Variants in THRB observed in about 807,000 individuals in gnomAD.
The protein encoded by THRB is nuclear receptor subfamily 1 group A member 2.
Under a neutral mutation model 47.8 loss-of-function variants are expected in THRB, and 12 were observed. The observed-to-expected ratio is 0.25, with a 90% confidence interval of 0.16 to 0.41. The LOEUF (loss-of-function observed/expected upper bound fraction) is 0.41. Among genes scored for constraint, THRB ranks in the 10% least tolerant of loss-of-function variants. The pLI is 1.00. For synonymous variants in THRB, 218 were observed against 212.2 expected, an observed-to-expected ratio of 1.03 and a Z score of -0.24; for missense variants, 348 against 589.2, an observed-to-expected ratio of 0.59 and a Z score of 4.24.
rs556809373 is a variant in THRB at position 24,308,137 on chromosome 3, TCCTGTACATGTAG to T, written c.-188-10779_-188-10767del. ...GTTTACCTATGTACAAACCTGCACA[TCCTGTACATGTAG>T]CCTGGAACTTAAAATAAAAGTTGGA... On this transcript the variant is annotated intron_variant, in intron 2 of 10. Coordinates refer to ENST00000646209, the MANE Select transcript of THRB (RefSeq NM_001354712.2). Among the ~76,000 whole-genome samples, 705 of 152,120 alleles carry T rather than the reference TCCTGTACATGTAG, an allele frequency of 4.6e-3. 2 individuals are homozygous for T. Among genetic ancestry groups the T allele is most frequent in the Middle Eastern group, 0.014 (4 of 294 alleles).
intron 3 of THRB, among the ~76,000 whole-genome samples, chr3:24,267,706 C>G (rs1283699793): frequency 6.6e-6 from 1 of 152,174 alleles, no homozygotes; most frequent in Non-Finnish European, 1.5e-5. Flanking sequence ...TAGCCAGAAT[C>G]TCCTGTACAC....
intron 4 of THRB, among the ~76,000 whole-genome samples, chr3:24,223,884 ATG>A (rs974991133): frequency 6.7e-6 from 1 of 148,342 alleles, no homozygotes; most frequent in Admixed American, 6.7e-5. Context: ...TCACCAATCA[ATG>A]TGTGTGTGGG....
At chr3:24,382,227 C>A (rs570629538) in intron 1 of THRB, among the ~76,000 whole-genome samples, 73 of 152,016 alleles carry the variant, frequency 4.8e-4, no homozygotes, top group Middle Eastern at 3.4e-3. Context: ...TTTTGGAGAA[C>A]TGATAAATTC....
intron 5 of THRB, among the ~76,000 whole-genome samples, chr3:24,178,790 A>G (rs73037623): frequency 6.6e-6 from 1 of 152,148 alleles, no homozygotes; most frequent in Non-Finnish European, 1.5e-5. Flanking sequence ...GGTAGAACAG[A>G]TAGATGTTCG....
chr3:24,160,278 CT>C (rs759795692), intron 5 of THRB, among the ~76,000 whole-genome samples: 1 of 152,154 alleles, frequency 6.6e-6, no homozygotes, highest in Non-Finnish European at 1.5e-5. Context: ...AAATTGAACT[CT>C]TGAGGGCAGG....
intron 1 of THRB, among the ~76,000 whole-genome samples, chr3:24,479,206 G>A (rs2125851385): frequency 6.6e-6 from 1 of 152,312 alleles, no homozygotes; most frequent in Non-Finnish European, 1.5e-5. Context: ...GGAGGCTGAG[G>A]CAGGAGAATG....
At chr3:24,340,506 C>T (rs375918324) in intron 1 of THRB, among the ~76,000 whole-genome samples, 110 of 147,530 alleles carry the variant, frequency 7.5e-4, no homozygotes, top group African/African-American at 2.5e-3. Flanking sequence ...TTGTAAAGTG[C>T]TTATTCATTC....
intron 5 of THRB, among the ~76,000 whole-genome samples, chr3:24,157,637 C>T (rs1037177893): frequency 6.6e-5 from 10 of 152,156 alleles, no homozygotes; most frequent in Non-Finnish European, 1.0e-4. Context: ...CCAAGCAGTC[C>T]TCCCAGCTCA....
chr3:24,177,146 A>T (rs938606434), intron 5 of THRB, among the ~76,000 whole-genome samples: 6 of 152,198 alleles, frequency 3.9e-5, no homozygotes, highest in African/African-American at 1.4e-4. Context: ...AACTAAAAAT[A>T]CCTATCAGCA....
chr3:24,362,672 G>A (rs1254002576), intron 1 of THRB, among the ~76,000 whole-genome samples: 3 of 152,080 alleles, frequency 2.0e-5, no homozygotes, highest in Non-Finnish European at 4.4e-5. Context: ...CACTTATCTG[G>A]CACTTGATAA....
intron 1 of THRB, among the ~76,000 whole-genome samples, chr3:24,361,907 A>G (rs2064101722): frequency 6.6e-6 from 1 of 152,114 alleles, no homozygotes; most frequent in South Asian, 2.1e-4. Context: ...AACACCCAAT[A>G]CTACTTGCCC....
At chr3:24,178,104 T>G (rs961370454) in intron 5 of THRB, among the ~76,000 whole-genome samples, 3 of 152,130 alleles carry the variant, frequency 2.0e-5, no homozygotes, top group Non-Finnish European at 4.4e-5. Flanking sequence ...TTTAGAGCAT[T>G]GAATAGCTGC....
At chr3:24,281,927 T>G (rs968539246) in intron 3 of THRB, among the ~76,000 whole-genome samples, 29 of 149,758 alleles carry the variant, frequency 1.9e-4, no homozygotes, top group Non-Finnish European at 4.1e-4. Flanking sequence ...GCACCCAGAT[T>G]CATAAAGCAA....
intron 3 of THRB, among the ~76,000 whole-genome samples, chr3:24,285,488 C>T (rs1228471441): frequency 1.3e-5 from 2 of 148,878 alleles, no homozygotes; most frequent in Non-Finnish European, 3.0e-5. Flanking sequence ...TGCTAGAGGA[C>T]GAGTTAGTGG....
At chr3:24,276,092 T>C (rs1201439004) in intron 3 of THRB, among the ~76,000 whole-genome samples, 1 of 152,110 alleles carries the variant, frequency 6.6e-6, no homozygotes, top group Non-Finnish European at 1.5e-5. Flanking sequence ...GACAGCCTTC[T>C]GAGTTAAACC....
At chr3:24,199,132 T>C (rs903137873) in intron 4 of THRB, among the ~76,000 whole-genome samples, 6 of 152,198 alleles carry the variant, frequency 3.9e-5, no homozygotes, top group Non-Finnish European at 5.9e-5. Flanking sequence ...ATACATTATT[T>C]TATCTAACTC....
chr3:24,362,867 C>T (rs533777365), intron 1 of THRB, among the ~76,000 whole-genome samples: 1 of 152,204 alleles, frequency 6.6e-6, no homozygotes, highest in African/African-American at 2.4e-5. Flanking sequence ...TGTATAATAA[C>T]ATTTGTGACC....
intron 2 of THRB, among the ~76,000 whole-genome samples, chr3:24,329,560 T>C (rs1385134281): frequency 6.6e-6 from 1 of 152,248 alleles, no homozygotes; most frequent in African/African-American, 2.4e-5. Context: ...GACTGCCACA[T>C]CTGGCTAAGC....
chr3:24,308,806 G>A (rs1305568097), intron 2 of THRB, among the ~76,000 whole-genome samples: 1 of 152,096 alleles, frequency 6.6e-6, no homozygotes, highest in African/African-American at 2.4e-5. Flanking sequence ...AATTTTCTAG[G>A]TCTTTGAAGT....
Sources: allele counts gnomAD v4.1 joint callset (sites outside exome capture counted in the v4.1 genomes callset), GRCh38; gene constraint gnomAD v4.1.1; transcripts MANE v1.5; gene names NCBI Gene and HGNC (gene_info 2026-07-23, HGNC 2026-07-21).